The following MIPEP variants were observed in gnomAD, a reference collection of about 807,000 sequenced individuals.
MIPEP encodes the protein mitochondrial intermediate peptidase.
In MIPEP, 79 loss-of-function variants were observed where a neutral mutation model predicts 90.3. The observed-to-expected ratio is 0.87, with a 90% confidence interval of 0.73 to 1.05. The LOEUF (loss-of-function observed/expected upper bound fraction) is 1.05, where lower values mean the gene tolerates loss of function less well. MIPEP is among the 50% of genes least tolerant of loss of function. The probability of loss-of-function intolerance (pLI) is 0.00; values close to 1 mark genes in which losing one functional copy is unlikely to be tolerated. For synonymous variants in MIPEP, 334 were observed against 315.8 expected, an observed-to-expected ratio of 1.06 and a Z score of -0.61; for missense variants, 940 against 905.6, an observed-to-expected ratio of 1.04 and a Z score of -0.49.
chr13:23,802,949 G>C (rs1175578098), intron 16 of MIPEP, among the ~76,000 whole-genome samples: 2 of 152,154 alleles, frequency 1.3e-5, no homozygotes, highest in Non-Finnish European at 1.5e-5. Context: ...AGCAGTGTAG[G>C]GGTATTAAAT....
At chr13:23,759,701 A>AGTGCC (rs1347357552) in intron 17 of MIPEP, among the ~76,000 whole-genome samples, 1 of 152,152 alleles carries the variant, frequency 6.6e-6, no homozygotes, top group Non-Finnish European at 1.5e-5. Flanking sequence ...CAGCCTCTCC[A>AGTGCC]GTGCCTTGTT....
At chr13:23,764,828 AT>A (rs1952578202) in intron 16 of MIPEP, among the ~76,000 whole-genome samples, 1 of 152,198 alleles carries the variant, frequency 6.6e-6, no homozygotes, top group Admixed American at 6.5e-5. Context: ...AAGTGCTGGG[AT>A]TACAGGTGTT....
At chr13:23,833,558 C>T (rs149568983) in intron 14 of MIPEP, among the ~76,000 whole-genome samples, 180 of 152,290 alleles carry the variant, frequency 1.2e-3, no homozygotes, top group African/African-American at 4.2e-3. Context: ...CATCTTCTTA[C>T]AGAATAATTT....
At chr13:23,788,791 C>A (rs1952873429) in intron 16 of MIPEP, among the ~76,000 whole-genome samples, 1 of 152,170 alleles carries the variant, frequency 6.6e-6, no homozygotes, top group Non-Finnish European at 1.5e-5. Flanking sequence ...TCCTTTAGAA[C>A]AAATTCTTAA....
chr13:23,886,677 A>T (rs1871497239), intron 1 of MIPEP, among the ~76,000 whole-genome samples, 171 bp from the exon 2 acceptor site: 1 of 152,118 alleles, frequency 6.6e-6, no homozygotes, highest in East Asian at 1.9e-4. Context: ...CTCCACATAA[A>T]TTACACTAAA....
chr13:23,880,733 T>C (rs1871240004), intron 3 of MIPEP, among the ~76,000 whole-genome samples: 1 of 152,196 alleles, frequency 6.6e-6, no homozygotes, highest in African/African-American at 2.4e-5. Context: ...TCAGCGGCTA[T>C]GGGAAAAGTC....
In MIPEP at chr13:23,842,009, G is replaced by A. The variant is rs77937372; in HGVS notation, c.1107-521C>T. Among the ~76,000 whole-genome samples, 394 of 152,210 alleles carry A rather than the reference G, an allele frequency of 2.6e-3. 3 individuals carry two copies. The highest frequency in any genetic ancestry group is 0.014 in the Middle Eastern group (4 of 294). ...CAATATAAATAATCAGATCTTATCT[G>A]TTTTATAGTTAGATATCTTAAATTA... On this transcript the variant is annotated intron_variant, in intron 10 of 18. Coordinates refer to ENST00000382172, the MANE Select transcript of MIPEP (RefSeq NM_005932.4).
intron 16 of MIPEP, among the ~76,000 whole-genome samples, chr13:23,778,212 G>A (rs1952738057): frequency 6.6e-6 from 1 of 152,086 alleles, no homozygotes; most frequent in Non-Finnish European, 1.5e-5. Context: ...GTATTTCAAA[G>A]CTTCCCCAAG....
chr13:23,883,744 T>C (rs1266464694), intron 2 of MIPEP, among the ~76,000 whole-genome samples: 2 of 152,218 alleles, frequency 1.3e-5, no homozygotes, highest in African/African-American at 4.8e-5. Flanking sequence ...GGGTTGACGA[T>C]ACAGTGAAAT....
At chr13:23,780,297 A>G (rs1275773728) in intron 16 of MIPEP, among the ~76,000 whole-genome samples, 2 of 152,250 alleles carry the variant, frequency 1.3e-5, no homozygotes, top group Non-Finnish European at 2.9e-5. Flanking sequence ...GCTGTTCAGC[A>G]ATATTTGCTG....
At chr13:23,875,040 ACAC>A in intron 4 of MIPEP, 131 bp from the exon 5 acceptor site, 1 of 507,546 alleles carries the variant, frequency 2.0e-6, no homozygotes, top group Admixed American at 4.0e-5. Flanking sequence ...ACACACACAC[ACAC>A]ACACACACAC....
intron 14 of MIPEP, among the ~76,000 whole-genome samples, chr13:23,829,000 G>C (rs2137440704): frequency 6.6e-6 from 1 of 152,302 alleles, no homozygotes; most frequent in East Asian, 1.9e-4. Context: ...AGGACAGACA[G>C]CTTAAACAAT....
intron 16 of MIPEP, among the ~76,000 whole-genome samples, chr13:23,782,909 G>T (rs1247863744): frequency 2.0e-5 from 3 of 152,198 alleles, no homozygotes; most frequent in African/African-American, 7.2e-5. Context: ...AAACCAGGAA[G>T]AAGTTGAATC....
intron 16 of MIPEP, among the ~76,000 whole-genome samples, chr13:23,794,447 A>G (rs569541976): frequency 2.6e-5 from 4 of 152,344 alleles, no homozygotes; most frequent in East Asian, 3.9e-4. Flanking sequence ...AGGCATCACA[A>G]TGGTCCCTGT....
chr13:23,875,290 ATTAT>A (rs914342145), intron 4 of MIPEP, among the ~76,000 whole-genome samples: 2 of 152,142 alleles, frequency 1.3e-5, no homozygotes, highest in African/African-American at 2.4e-5. Flanking sequence ...GTAATAAATA[ATTAT>A]TTATTTCAAC....
chr13:23,882,045 A>G (rs1871291341), intron 2 of MIPEP, among the ~76,000 whole-genome samples: 1 of 151,758 alleles, frequency 6.6e-6, no homozygotes, highest in Non-Finnish European at 1.5e-5. Context: ...TCTTTCAAAT[A>G]TAAACACCAA....
intron 14 of MIPEP, among the ~76,000 whole-genome samples, chr13:23,811,262 A>G (rs1403305890): frequency 6.6e-6 from 1 of 152,238 alleles, no homozygotes; most frequent in Non-Finnish European, 1.5e-5. Flanking sequence ...TTTTACAAAA[A>G]AAGTATATGT....
At chr13:23,863,565 G>A (rs2137505049) in intron 8 of MIPEP, among the ~76,000 whole-genome samples, 1 of 152,254 alleles carries the variant, frequency 6.6e-6, no homozygotes, top group East Asian at 1.9e-4. Context: ...CCATCCCCAA[G>A]ATATCTCATT....
intron 18 of MIPEP, among the ~76,000 whole-genome samples, chr13:23,740,757 A>C (rs773448844): frequency 1.3e-5 from 2 of 152,234 alleles, no homozygotes; most frequent in Non-Finnish European, 2.9e-5. Context: ...CTGGACAAAG[A>C]GAAAACAGTG....
Sources: allele counts gnomAD v4.1 joint callset (sites outside exome capture counted in the v4.1 genomes callset), GRCh38; gene constraint gnomAD v4.1.1; transcripts MANE v1.5; gene names NCBI Gene and HGNC (gene_info 2026-07-23, HGNC 2026-07-21).